PTPRG: variants seen among roughly 807,000 people sequenced by gnomAD.
PTPRG encodes protein tyrosine phosphatase receptor type G.
In PTPRG, 102 loss-of-function variants were observed where a neutral mutation model predicts 165.3. The observed-to-expected ratio is 0.62, with a 90% CI of 0.53 to 0.73. The LOEUF is 0.73. PTPRG is among the 30% of genes least tolerant of loss of function. The pLI is 0.00. For missense variants in PTPRG, 1,866 were observed against 1,861.4 expected, an observed-to-expected ratio of 1.00 and a Z score of -0.05; for synonymous variants, 675 against 669.5, an observed-to-expected ratio of 1.01 and a Z score of -0.13.
intron 1 of PTPRG, among the ~76,000 whole-genome samples, chr3:61,614,812 A>G (rs1701260351): frequency 6.6e-6 from 1 of 152,210 alleles, no homozygotes. Flanking sequence ...GCTCAGTAGC[A>G]CTGTATAGAT....
chr3:61,814,867 C>G (rs772192054), intron 2 of PTPRG, among the ~76,000 whole-genome samples: 1 of 151,766 alleles, frequency 6.6e-6, no homozygotes, highest in Non-Finnish European at 1.5e-5. Flanking sequence ...TATCATTTAC[C>G]CCTGGCAGCA....
At chr3:61,991,201 T>C (rs1396606112) in intron 3 of PTPRG, among the ~76,000 whole-genome samples, 1 of 152,178 alleles carries the variant, frequency 6.6e-6, no homozygotes, top group African/African-American at 2.4e-5. Flanking sequence ...TAATGTTATT[T>C]GTACGTAATT....
chr3:61,615,446 G>C (rs903499814), intron 1 of PTPRG, among the ~76,000 whole-genome samples: 1 of 152,234 alleles, frequency 6.6e-6, no homozygotes, highest in African/African-American at 2.4e-5. Context: ...CACCAGCGGA[G>C]TGGTGCTCTG....
intron 1 of PTPRG, among the ~76,000 whole-genome samples, chr3:61,593,605 G>A (rs888780752): frequency 6.6e-6 from 1 of 151,330 alleles, no homozygotes; most frequent in African/African-American, 2.4e-5. Context: ...ATAATAATCA[G>A]TTGCATTTAC....
chr3:61,604,275 G>T (rs1432465779), intron 1 of PTPRG, among the ~76,000 whole-genome samples: 1 of 152,218 alleles, frequency 6.6e-6, no homozygotes, highest in Non-Finnish European at 1.5e-5. Context: ...AGTGAGCAGA[G>T]ATTGCACCAC....
intron 1 of PTPRG, among the ~76,000 whole-genome samples, chr3:61,689,543 G>A (rs2030019593): frequency 6.6e-6 from 1 of 152,238 alleles, no homozygotes; most frequent in Non-Finnish European, 1.5e-5. Flanking sequence ...AGAGGGCTAT[G>A]TGGCTGCTTA....
intron 5 of PTPRG, among the ~76,000 whole-genome samples, chr3:62,115,529 G>A (rs1702831813): frequency 6.6e-6 from 1 of 152,082 alleles, no homozygotes. Flanking sequence ...GAGAATTAAT[G>A]TCACTTCTAT....
At chr3:61,704,272 A>G (rs771238792) in intron 1 of PTPRG, among the ~76,000 whole-genome samples, 1 of 152,196 alleles carries the variant, frequency 6.6e-6, no homozygotes, top group African/African-American at 2.4e-5. Flanking sequence ...AACTGTACCT[A>G]CCATTTAGGA....
intron 12 of PTPRG, among the ~76,000 whole-genome samples, chr3:62,212,185 A>C (rs1164082604): frequency 6.6e-6 from 1 of 152,044 alleles, no homozygotes; most frequent in Non-Finnish European, 1.5e-5. Context: ...TCATTCTTTG[A>C]GTCTGGGCTC....
At chr3:61,703,720 A>G (rs2031102113) in intron 1 of PTPRG, among the ~76,000 whole-genome samples, 2 of 152,308 alleles carry the variant, frequency 1.3e-5, no homozygotes, top group South Asian at 4.2e-4. Flanking sequence ...AATCTGTGTA[A>G]ATTTCAAACC....
chr3:61,739,044 C>T (rs1208872574), intron 1 of PTPRG: 1 of 124,312 alleles, frequency 8.0e-6, no homozygotes, highest in African/African-American at 3.0e-5. Context: ...AGACTGGTCA[C>T]AAACTCCTGG....
intron 9 of PTPRG, among the ~76,000 whole-genome samples, chr3:62,192,285 C>T (rs1323912356): frequency 6.6e-6 from 1 of 151,798 alleles, no homozygotes; most frequent in Non-Finnish European, 1.5e-5. Context: ...TTCAATGTCT[C>T]CTCTAAAAAT....
chr3:61,671,634 C>T (rs1483143796), intron 1 of PTPRG, among the ~76,000 whole-genome samples: 2 of 149,052 alleles, frequency 1.3e-5, no homozygotes, highest in South Asian at 4.4e-4. Flanking sequence ...CATCATGGCC[C>T]GTTCTCAATG....
intron 3 of PTPRG, among the ~76,000 whole-genome samples, chr3:62,002,462 G>C (rs1446249764): frequency 6.6e-6 from 1 of 152,142 alleles, no homozygotes; most frequent in Non-Finnish European, 1.5e-5. Flanking sequence ...AACAAAAAAA[G>C]GGAATATATC....
At chr3:61,768,675 A>G (rs1204629992) in intron 2 of PTPRG, among the ~76,000 whole-genome samples, 1 of 152,236 alleles carries the variant, frequency 6.6e-6, no homozygotes, top group Non-Finnish European at 1.5e-5. Flanking sequence ...AGATCCTTTA[A>G]TAGTCCACTC....
chr3:61,986,399 G>C (rs2040763647), intron 2 of PTPRG, among the ~76,000 whole-genome samples: 1 of 152,148 alleles, frequency 6.6e-6, no homozygotes, highest in African/African-American at 2.4e-5. Flanking sequence ...AGGAAACCAA[G>C]AACCCCTGTG....
intron 2 of PTPRG, among the ~76,000 whole-genome samples, chr3:61,843,212 C>T (rs931736961): frequency 1.3e-5 from 2 of 152,154 alleles, no homozygotes; most frequent in Non-Finnish European, 2.9e-5. Flanking sequence ...TATAGCCCAT[C>T]TGAAGCAAGA....
chr3:61,868,387 C>T (rs1245214578), intron 2 of PTPRG, among the ~76,000 whole-genome samples: 1 of 152,076 alleles, frequency 6.6e-6, no homozygotes, highest in East Asian at 1.9e-4. Context: ...TCATCTTGTC[C>T]CTGGTTATCT....
chr3:61,732,176 A>C (rs533679650), intron 1 of PTPRG, among the ~76,000 whole-genome samples: 223 of 152,324 alleles, frequency 1.5e-3, no homozygotes, highest in Non-Finnish European at 1.7e-3. Context: ...TAATTAGAAT[A>C]ATTTATATAA....
Sources: allele counts gnomAD v4.1 joint callset (sites outside exome capture counted in the v4.1 genomes callset), GRCh38; gene constraint gnomAD v4.1.1; transcripts MANE v1.5; gene names NCBI Gene and HGNC (gene_info 2026-07-23, HGNC 2026-07-21).